PCDH15: variants seen among roughly 807,000 people sequenced by gnomAD.
The protein encoded by PCDH15 is protocadherin-15.
Under a neutral mutation model 178.5 loss-of-function variants are expected in PCDH15, and 129 were observed. That is an observed-to-expected ratio of 0.72 (90% CI 0.63 to 0.84). PCDH15 has a LOEUF of 0.84. PCDH15 is among the 40% of genes least tolerant of loss of function. The pLI is 0.00. For missense variants in PCDH15, 2,230 were observed against 2,099.9 expected (o/e 1.06, Z -1.21); for synonymous variants, 800 against 732.0 (o/e 1.09, Z -1.50).
At chr10:53,895,817 T>G (rs2081910629) in intron 26 of PCDH15, among the ~76,000 whole-genome samples, 1 of 152,206 alleles carries the variant, frequency 6.6e-6, no homozygotes, top group Non-Finnish European at 1.5e-5. Context: ...GTTGCCTTTT[T>G]ACTTGTCTCC....
intron 2 of PCDH15, among the ~76,000 whole-genome samples, chr10:55,424,129 A>G (rs1295953751): frequency 6.6e-6 from 1 of 152,136 alleles, no homozygotes; most frequent in Non-Finnish European, 1.5e-5. Context: ...GTATGAGAAG[A>G]TGATAGTTAT....
chr10:54,315,923 GT>G (rs781745228), intron 8 of PCDH15, among the ~76,000 whole-genome samples: 9 of 118,462 alleles, frequency 7.6e-5, no homozygotes, highest in Non-Finnish European at 1.5e-4. Context: ...ATCTTTAATA[GT>G]TTGTGTGTTT....
intron 1 of PCDH15, among the ~76,000 whole-genome samples, chr10:54,751,708 T>C (rs1157983202): frequency 6.6e-6 from 1 of 152,168 alleles, no homozygotes; most frequent in Non-Finnish European, 1.5e-5. Context: ...AAAACAGATT[T>C]TTTTCCAAAT....
At chr10:53,817,141 C>A (rs2076087034) in intron 34 of PCDH15, among the ~76,000 whole-genome samples, 1 of 150,690 alleles carries the variant, frequency 6.6e-6, no homozygotes, top group Admixed American at 6.6e-5. Context: ...AAGGGATATC[C>A]TTTTTATAAT....
At chr10:54,438,254 A>G (rs1280360851) in intron 3 of PCDH15, among the ~76,000 whole-genome samples, 1 of 150,114 alleles carries the variant, frequency 6.7e-6, no homozygotes. Context: ...AAGAATTAAA[A>G]GAAAAGAGAA....
In PCDH15 at chr10:53,811,585, T is replaced by G; in HGVS notation, c.4526A>C (p.Gln1509Pro). Residue 1509 changes from glutamine (Q) to proline (P), a missense_variant, in exon 36 of 38, where the codon CAG becomes CCG. Physicochemically the swap from Gln to Pro is moderately conservative, Grantham distance 76. Coordinates refer to ENST00000644397, the MANE Select transcript of PCDH15 (RefSeq NM_001384140.1). ...ACTGTAATAATCTTGTCCATATTCC[T>G]GGCCAGGATCAATTCCAGACTCCAT... ...LSMESGIDPG[Q>P]EYGQDYYSYE... 1 of 1,572,386 alleles carries G rather than the reference T, an allele frequency of 6.4e-7. No homozygotes were observed. The highest frequency in any genetic ancestry group is 1.2e-5 in the South Asian group (1 of 81,512).
chr10:53,823,573 A>G, intron 32 of PCDH15: 1 of 667,958 alleles, frequency 1.5e-6, no homozygotes, highest in South Asian at 1.7e-5. Flanking sequence ...TGAGAAATGT[A>G]AATGAAAAAA....
intron 1 of PCDH15, among the ~76,000 whole-genome samples, chr10:55,267,183 T>TAC (rs1199071729): frequency 1.3e-5 from 2 of 152,038 alleles, no homozygotes; most frequent in African/African-American, 4.8e-5. Context: ...TGTATACACA[T>TAC]ACACACACAC....
intron 13 of PCDH15, among the ~76,000 whole-genome samples, chr10:54,182,751 C>T (rs1475366204): frequency 6.6e-6 from 1 of 151,684 alleles, no homozygotes; most frequent in Non-Finnish European, 1.5e-5. Context: ...GTATTTATCT[C>T]CAAGTGAAAT....
At chr10:54,871,239 A>C (rs1043426958) in intron 3 of PCDH15, among the ~76,000 whole-genome samples, 1 of 152,176 alleles carries the variant, frequency 6.6e-6, no homozygotes, top group Non-Finnish European at 1.5e-5. Context: ...TCTGCCTGAC[A>C]ATAAGGAAAA....
At chr10:54,814,579 G>T (rs1428392875) in intron 3 of PCDH15, among the ~76,000 whole-genome samples, 1 of 152,042 alleles carries the variant, frequency 6.6e-6, no homozygotes, top group Non-Finnish European at 1.5e-5. Context: ...AGTCCTTATT[G>T]TAACATAAAG....
intron 2 of PCDH15, among the ~76,000 whole-genome samples, chr10:54,963,807 A>T (rs1393366250): frequency 6.6e-6 from 1 of 152,178 alleles, no homozygotes; most frequent in Non-Finnish European, 1.5e-5. Context: ...AAATGCCCCA[A>T]TACAATTCCA....
intron 13 of PCDH15, among the ~76,000 whole-genome samples, chr10:54,155,675 C>CT (rs939699381): frequency 2.0e-4 from 29 of 146,740 alleles, no homozygotes; most frequent in African/African-American, 3.5e-4. Context: ...AACTCAAGAC[C>CT]TTTTTTTTTT....
rs374786323 is a variant in PCDH15 at position 53,827,382 on chromosome 10, G to A, written c.4367+11C>T. On this transcript the variant is annotated intron_variant, in intron 32 of 37. Transcript: ENST00000644397. Reference sequence around the variant, plus strand: ...CAACTACTTCTCAGAGTTCCTGAACGGTCTACTTACATTGAGCTGTCTCCA... The same window carrying A: ...CAACTACTTCTCAGAGTTCCTGAACAGTCTACTTACATTGAGCTGTCTCCA... 43 of 1,604,180 alleles carry A rather than the reference G, an allele frequency of 2.7e-5. No homozygotes were observed. The highest frequency in any genetic ancestry group is 2.2e-4 in the Admixed American group (13 of 58,728).
intron 2 of PCDH15, among the ~76,000 whole-genome samples, chr10:55,426,737 G>C (rs1838767223): frequency 6.6e-6 from 1 of 152,078 alleles, no homozygotes; most frequent in African/African-American, 2.4e-5. Context: ...ATTGAAGGAT[G>C]GTAAATGCGG....
chr10:55,616,500 T>C (rs974360932), intron 2 of PCDH15, among the ~76,000 whole-genome samples: 1 of 142,236 alleles, frequency 7.0e-6, no homozygotes, highest in African/African-American at 2.6e-5. Context: ...ATTATTGTGA[T>C]GTATTATGCT....
chr10:54,638,789 T>G (rs1281785396), intron 2 of PCDH15, among the ~76,000 whole-genome samples: 1 of 152,114 alleles, frequency 6.6e-6, no homozygotes, highest in African/African-American at 2.4e-5. Context: ...TCAATCTAAG[T>G]GTCCACCAAC....
At chr10:55,453,318 T>A (rs1270771274) in intron 2 of PCDH15, among the ~76,000 whole-genome samples, 3 of 152,190 alleles carry the variant, frequency 2.0e-5, no homozygotes, top group African/African-American at 4.8e-5. Context: ...ATACAGACAA[T>A]AAAATATTGT....
intron 2 of PCDH15, among the ~76,000 whole-genome samples, chr10:55,464,763 T>C (rs1839796340): frequency 6.7e-6 from 1 of 149,160 alleles, no homozygotes; most frequent in Non-Finnish European, 1.5e-5. Flanking sequence ...GAAGTAACAA[T>C]GATAAAAATT....
Sources: gnomAD v4.1 joint callset for allele counts (sites outside exome capture counted in the v4.1 genomes callset) on GRCh38, gnomAD v4.1.1 for gene constraint, MANE v1.5 for transcripts, NCBI Gene and HGNC (gene_info 2026-07-23, HGNC 2026-07-21) for gene names.